The following MEGF11 variants were observed in gnomAD, a reference collection of about 807,000 sequenced individuals.
MEGF11 encodes multiple epidermal growth factor-like domains protein 11.
MEGF11 carries 126 observed loss-of-function variants against 146.6 expected under a neutral mutation model. The ratio of observed to expected loss-of-function variants is 0.86; its 90% confidence interval spans 0.74 to 1.00. The LOEUF (loss-of-function observed/expected upper bound fraction) is 1.00, where lower values mean the gene tolerates loss of function less well. Ranked by LOEUF, MEGF11 falls within the 50% of genes least tolerant of loss-of-function variation. MEGF11 has a pLI of 0.00. For missense variants in MEGF11, 1,509 were observed against 1,521.2 expected, an observed-to-expected ratio of 0.99 and a Z score of 0.13; for synonymous variants, 532 against 583.4, an observed-to-expected ratio of 0.91 and a Z score of 1.27.
intron 5 of MEGF11, among the ~76,000 whole-genome samples, chr15:66,057,984 A>T (rs1240215587): frequency 6.6e-6 from 1 of 152,234 alleles, no homozygotes; most frequent in African/African-American, 2.4e-5. Context: ...ATTGCCACAC[A>T]AAAAGAATTT....
Position 65,906,092 on chromosome 15 carries a change from G to C in MEGF11, c.3048C>G (p.Gly1016=). ...RRQNTYIMDK[G]FKDYMKESVC... ...CAGGATTGGATACTCTACCTTTGAA[G>C]CCTTTGTCCATAATGTATGTGTTCT... Residue 1016 remains glycine (G), a synonymous_variant, in exon 24 of 26, where the codon GGC becomes GGG. Transcript: ENST00000395614. The C allele has an allele frequency of 3.1e-6, 5 of 1,610,486 alleles. No individual in the cohort carries two copies. The highest frequency in any genetic ancestry group is 4.2e-6 in the Non-Finnish European group (5 of 1,178,074).
chr15:66,128,679 G>C (rs561898164), intron 1 of MEGF11, among the ~76,000 whole-genome samples: 1 of 152,226 alleles, frequency 6.6e-6, no homozygotes, highest in South Asian at 2.1e-4. Context: ...TTCTCTCCAG[G>C]AAAATGCCCA....
At chr15:66,127,709 C>T (rs961105175) in intron 2 of MEGF11, among the ~76,000 whole-genome samples, 1 of 152,170 alleles carries the variant, frequency 6.6e-6, no homozygotes, top group African/African-American at 2.4e-5. Flanking sequence ...CAAAGTCAGG[C>T]CGTCTGCAGG....
chr15:66,140,731 G>T (rs568647722), intron 1 of MEGF11, among the ~76,000 whole-genome samples: 16 of 152,302 alleles, frequency 1.1e-4, no homozygotes, highest in African/African-American at 3.8e-4. Context: ...GAAAGAAAAA[G>T]GAATAGGGGT....
At chr15:66,031,813 C>G (rs1301884233) in intron 5 of MEGF11, among the ~76,000 whole-genome samples, 3 of 152,228 alleles carry the variant, frequency 2.0e-5, no homozygotes, top group African/African-American at 7.2e-5. Flanking sequence ...AATCCCTCTG[C>G]CCTCGTGAAT....
At chr15:66,138,001 G>A (rs903576530) in intron 1 of MEGF11, among the ~76,000 whole-genome samples, 6 of 152,228 alleles carry the variant, frequency 3.9e-5, no homozygotes, top group Middle Eastern at 3.2e-3. Flanking sequence ...TGAGGCTACA[G>A]TGAGCTATGA....
At chr15:66,232,059 A>G (rs189229184) in intron 1 of MEGF11, among the ~76,000 whole-genome samples, 1 of 152,324 alleles carries the variant, frequency 6.6e-6, no homozygotes, top group African/African-American at 2.4e-5. Context: ...GGTAGAGCTG[A>G]GCCTTGAACC....
rs920233590 is a variant in MEGF11, at chr15:66,060,645, G to A, written c.394+33757C>T. Among the ~76,000 whole-genome samples, 9 of 152,252 alleles carry A rather than the reference G, an allele frequency of 5.9e-5. No individual in the cohort carries two copies. In the South Asian group the frequency reaches 6.2e-4, roughly 11 times the overall value. On this transcript the variant is annotated intron_variant, in intron 5 of 25. Transcript: ENST00000395614. ...ACCCCCCAAGGCACTTGGCCCCCCC[G>A]CCATGGCTTCAGCCTTGGATGTTGG... is the stretch of plus-strand genomic sequence containing the variant.
chr15:66,214,906 AGG>A (rs1272196179), intron 1 of MEGF11, among the ~76,000 whole-genome samples: 2 of 152,006 alleles, frequency 1.3e-5, no homozygotes, highest in Non-Finnish European at 2.9e-5. Flanking sequence ...AGGGAAGAAT[AGG>A]GGAGGGGAGG....
chr15:66,129,407 CAGAA>C (rs1205832634), intron 1 of MEGF11, among the ~76,000 whole-genome samples: 6 of 152,216 alleles, frequency 3.9e-5, no homozygotes, highest in Non-Finnish European at 7.3e-5. Flanking sequence ...CGCTGCGACT[CAGAA>C]AGACAGAACT....
chr15:66,099,078 G>C (rs1214098249), intron 4 of MEGF11, among the ~76,000 whole-genome samples: 1 of 152,154 alleles, frequency 6.6e-6, no homozygotes, highest in Non-Finnish European at 1.5e-5. Flanking sequence ...CCCCAGCAAG[G>C]CTGATAAGGT....
intron 5 of MEGF11, among the ~76,000 whole-genome samples, chr15:66,033,579 C>A (rs1389840386): frequency 6.6e-6 from 1 of 152,166 alleles, no homozygotes; most frequent in East Asian, 1.9e-4. Flanking sequence ...TGGCCTCCAT[C>A]TAGATTTCAA....
chr15:66,013,506 C>G (rs1210336100), intron 5 of MEGF11, among the ~76,000 whole-genome samples: 2 of 152,208 alleles, frequency 1.3e-5, no homozygotes, highest in African/African-American at 4.8e-5. Flanking sequence ...GGGCACCTGA[C>G]ATGCACATTC....
intron 1 of MEGF11, among the ~76,000 whole-genome samples, chr15:66,207,519 A>G (rs983478821): frequency 3.3e-5 from 5 of 152,240 alleles, no homozygotes; most frequent in Admixed American, 1.3e-4. Context: ...AGAACTCATT[A>G]CTAGCAAATC....
chr15:66,135,322 G>C (rs1176198000), intron 1 of MEGF11, among the ~76,000 whole-genome samples: 1 of 152,196 alleles, frequency 6.6e-6, no homozygotes, highest in Non-Finnish European at 1.5e-5. Flanking sequence ...GAGACCCCTG[G>C]ATCAGTCTTA....
chr15:66,191,043 C>G (rs976736518), intron 1 of MEGF11, among the ~76,000 whole-genome samples: 1 of 152,128 alleles, frequency 6.6e-6, no homozygotes, highest in Non-Finnish European at 1.5e-5. Flanking sequence ...CACAGCCCGG[C>G]TGGACTTCCA....
intron 5 of MEGF11, among the ~76,000 whole-genome samples, chr15:65,988,382 C>G (rs1223427590): frequency 6.6e-6 from 1 of 152,200 alleles, no homozygotes; most frequent in Non-Finnish European, 1.5e-5. Flanking sequence ...TCTTTTGTAT[C>G]TGGCTTATTT....
chr15:65,915,679 A>T (rs2078973173), intron 18 of MEGF11, 81 bp from the exon 19 acceptor site: 2 of 1,543,716 alleles, frequency 1.3e-6, no homozygotes, highest in Middle Eastern at 3.4e-4. Context: ...CTATGGCAAT[A>T]AGCCTGTTTT....
chr15:66,149,090 C>A (rs1050007117), intron 1 of MEGF11, among the ~76,000 whole-genome samples: 3 of 152,232 alleles, frequency 2.0e-5, no homozygotes, highest in African/African-American at 7.2e-5. Flanking sequence ...TCCTGCTCGC[C>A]CTTTGCCCCT....
Sources: allele counts gnomAD v4.1 joint callset (sites outside exome capture counted in the v4.1 genomes callset), GRCh38; gene constraint gnomAD v4.1.1; transcripts MANE v1.5; gene names NCBI Gene and HGNC (gene_info 2026-07-23, HGNC 2026-07-21).